Variants in AGBL4 observed in about 807,000 individuals in gnomAD.
AGBL4 encodes the protein cytosolic carboxypeptidase 6.
In AGBL4, 58 loss-of-function variants were observed where a neutral mutation model predicts 66.4. The observed-to-expected ratio is 0.87, with a 90% CI of 0.71 to 1.09. The LOEUF (loss-of-function observed/expected upper bound fraction) is 1.09. Ranked by LOEUF, AGBL4 falls within the 50% of genes least tolerant of loss-of-function variation. The probability of loss-of-function intolerance (pLI) is 0.00; values close to 1 mark genes in which losing one functional copy is unlikely to be tolerated. For synonymous variants in AGBL4, 234 were observed against 222.9 expected, an observed-to-expected ratio of 1.05 and a Z score of -0.44; for missense variants, 579 against 631.0, an observed-to-expected ratio of 0.92 and a Z score of 0.88.
chr1:49,027,381 T>C (rs1275939148), intron 5 of AGBL4, among the ~76,000 whole-genome samples: 2 of 152,066 alleles, frequency 1.3e-5, no homozygotes, highest in African/African-American at 4.8e-5. Flanking sequence ...CAGGCTAGTC[T>C]CAAACTCCTG....
At chr1:49,018,183 T>G (rs963219307) in intron 5 of AGBL4, among the ~76,000 whole-genome samples, 19 of 152,328 alleles carry the variant, frequency 1.2e-4, no homozygotes, top group African/African-American at 4.6e-4. Context: ...GTGCTCAGTT[T>G]CTGAGCCAGT....
chr1:49,831,488 A>T (rs1343574434), intron 2 of AGBL4, among the ~76,000 whole-genome samples: 2 of 152,272 alleles, frequency 1.3e-5, no homozygotes. Flanking sequence ...AAGTTGCTTC[A>T]GCAAACTAAG....
chr1:49,206,908 G>A (rs995410434), intron 4 of AGBL4, among the ~76,000 whole-genome samples: 2 of 150,292 alleles, frequency 1.3e-5, no homozygotes, highest in African/African-American at 4.9e-5. Flanking sequence ...GAGGAGAGGA[G>A]AGGAGAGGAG....
At chr1:49,255,774 A>G (rs1652435360) in intron 3 of AGBL4, among the ~76,000 whole-genome samples, 1 of 152,216 alleles carries the variant, frequency 6.6e-6, no homozygotes, top group Non-Finnish European at 1.5e-5. Flanking sequence ...ATGCCCATCA[A>G]TGATAGAGTG....
At chr1:48,880,781 T>G (rs552632467) in intron 5 of AGBL4, among the ~76,000 whole-genome samples, 3 of 152,322 alleles carry the variant, frequency 2.0e-5, no homozygotes, top group South Asian at 4.1e-4. Flanking sequence ...GTATCTGTGT[T>G]TGTGATGCAT....
chr1:49,738,914 T>C (rs1466328819), intron 2 of AGBL4, among the ~76,000 whole-genome samples: 1 of 152,052 alleles, frequency 6.6e-6, no homozygotes, highest in Admixed American at 6.5e-5. Flanking sequence ...TACGTCACCA[T>C]CATCAAAGAC....
intron 3 of AGBL4, among the ~76,000 whole-genome samples, chr1:49,411,574 C>G (rs757200540): frequency 2.6e-5 from 4 of 151,966 alleles, no homozygotes; most frequent in Non-Finnish European, 4.4e-5. Flanking sequence ...GTATAAAAAG[C>G]AGAAGTAAAA....
downstream of AGBL4, among the ~76,000 whole-genome samples, chr1:48,531,780 GTATT>G (rs1269749494): frequency 2.1e-3 from 135 of 62,912 alleles, no homozygotes; most frequent in African/African-American, 6.2e-3. Flanking sequence ...ATGTATGTAT[GTATT>G]TATTTATTTC....
At chr1:49,063,832 C>T (rs1025200841) in intron 4 of AGBL4, among the ~76,000 whole-genome samples, 47 of 152,282 alleles carry the variant, frequency 3.1e-4, no homozygotes, top group African/African-American at 1.1e-3. Context: ...TAGCAAGTGC[C>T]ATTGATGTTT....
intron 6 of AGBL4, among the ~76,000 whole-genome samples, chr1:48,698,787 G>A (rs1480506958): frequency 6.6e-6 from 1 of 152,152 alleles, no homozygotes; most frequent in African/African-American, 2.4e-5. Flanking sequence ...ACAACACCCT[G>A]GCGAGGTAAT....
intron 3 of AGBL4, among the ~76,000 whole-genome samples, chr1:49,256,456 G>C (rs994285210): frequency 1.3e-5 from 2 of 152,018 alleles, no homozygotes; most frequent in African/African-American, 4.8e-5. Context: ...TCAAATATCA[G>C]ATACCTATAA....
intron 1 of AGBL4, among the ~76,000 whole-genome samples, chr1:49,930,721 CTCAA>C (rs1465261149): frequency 3.3e-5 from 5 of 152,054 alleles, no homozygotes; most frequent in African/African-American, 1.2e-4. Context: ...CAAATACCCA[CTCAA>C]TAAGATTCTC....
At chr1:49,727,818 G>C (rs1649145544) in intron 2 of AGBL4, among the ~76,000 whole-genome samples, 1 of 152,018 alleles carries the variant, frequency 6.6e-6, no homozygotes, top group African/African-American at 2.4e-5. Context: ...AAAACTCCAA[G>C]TATTTGACAC....
intron 4 of AGBL4, among the ~76,000 whole-genome samples, chr1:49,066,772 T>A: frequency 6.6e-6 from 1 of 152,110 alleles, no homozygotes; most frequent in East Asian, 1.9e-4. Flanking sequence ...AAAGCCTTAG[T>A]TGATCAAAAG....
At chr1:49,300,675 G>A (rs571584458) in intron 3 of AGBL4, among the ~76,000 whole-genome samples, 2 of 152,168 alleles carry the variant, frequency 1.3e-5, no homozygotes, top group African/African-American at 4.8e-5. Flanking sequence ...GACAAATTCC[G>A]ATCTCTTTAA....
At chr1:50,011,478 T>A (rs1172651608) in intron 1 of AGBL4, among the ~76,000 whole-genome samples, 1 of 152,180 alleles carries the variant, frequency 6.6e-6, no homozygotes, top group African/African-American at 2.4e-5. Flanking sequence ...GTTTGGAGGT[T>A]CCTCAAGAAA....
intron 3 of AGBL4, among the ~76,000 whole-genome samples, chr1:49,559,326 C>T (rs1353005405): frequency 6.6e-6 from 1 of 151,534 alleles, no homozygotes; most frequent in East Asian, 1.9e-4. Context: ...ACTATCAAGG[C>T]AGTACCCTCT....
At chr1:49,917,589 C>A (rs972430643) in intron 1 of AGBL4, among the ~76,000 whole-genome samples, 3 of 152,022 alleles carry the variant, frequency 2.0e-5, no homozygotes, top group African/African-American at 4.8e-5. Flanking sequence ...TAAAGCAAGT[C>A]CTTAGAGACC....
At chr1:49,738,167 C>A (rs191735709) in intron 2 of AGBL4, among the ~76,000 whole-genome samples, 1 of 152,208 alleles carries the variant, frequency 6.6e-6, no homozygotes, top group Non-Finnish European at 1.5e-5. Context: ...CCAAGGACAG[C>A]GGTGACTGAA....
Sources: allele counts gnomAD v4.1 joint callset (sites outside exome capture counted in the v4.1 genomes callset), GRCh38; gene constraint gnomAD v4.1.1; transcripts MANE v1.5; gene names NCBI Gene and HGNC (gene_info 2026-07-23, HGNC 2026-07-21).